CLIP4: variants seen among roughly 807,000 people sequenced by gnomAD.
CLIP4 encodes the protein CAP-Gly domain containing linker protein family member 4.
In CLIP4, 47 loss-of-function variants were observed where a neutral mutation model predicts 73.1. The ratio of observed to expected loss-of-function variants is 0.64; its 90% CI spans 0.51 to 0.82. The LOEUF (loss-of-function observed/expected upper bound fraction) is 0.82, where lower values mean the gene tolerates loss of function less well. CLIP4 is among the 40% of genes least tolerant of loss of function. The probability of loss-of-function intolerance (pLI) is 0.00; values close to 1 mark genes in which losing one functional copy is unlikely to be tolerated. For missense variants in CLIP4, 874 were observed against 852.9 expected, an observed-to-expected ratio of 1.02 and a Z score of -0.31; for synonymous variants, 306 against 295.4, an observed-to-expected ratio of 1.04 and a Z score of -0.37.
chr2:29,112,823 A>G (rs117188287), upstream of CLIP4, among the ~76,000 whole-genome samples: 3,554 of 152,288 alleles, frequency 0.023, 114 homozygotes, highest in East Asian at 0.091. Flanking sequence ...CCCCCTATAC[A>G]CTCACAAATT....
chr2:29,121,108 A>T (rs547664980), intron 1 of CLIP4, among the ~76,000 whole-genome samples: 1 of 152,290 alleles, frequency 6.6e-6, no homozygotes, highest in Admixed American at 6.5e-5. Context: ...TCAGCATTTA[A>T]AGTGTTTTCA....
intron 1 of CLIP4, among the ~76,000 whole-genome samples, chr2:29,107,378 T>TTTTTTGTTTTTTTTG (rs1668253940): frequency 1.6e-5 from 2 of 128,578 alleles, no homozygotes; most frequent in African/African-American, 6.1e-5. Context: ...TTTTTTTTTT[T>TTTTTTGTTTTTTTTG]TTTTTTTTTT....
chr2:29,169,636 G>A (rs1667875306), intron 14 of CLIP4, among the ~76,000 whole-genome samples: 1 of 151,892 alleles, frequency 6.6e-6, no homozygotes, highest in South Asian at 2.1e-4. Context: ...TGACGTAGTT[G>A]TACATATTTT....
At chr2:29,143,677 G>A in intron 6 of CLIP4, 32 bp from the exon 7 acceptor site, 1 of 1,431,260 alleles carries the variant, frequency 7.0e-7, no homozygotes, top group South Asian at 1.1e-5. Flanking sequence ...CTAAGTAAGA[G>A]TTGAACATTT....
chr2:29,172,730 A>G (rs1331721260), intron 14 of CLIP4, among the ~76,000 whole-genome samples: 1 of 151,798 alleles, frequency 6.6e-6, no homozygotes, highest in Non-Finnish European at 1.5e-5. Context: ...TTTCTTTCCC[A>G]TGCGCTCTCA....
intron 1 of CLIP4, among the ~76,000 whole-genome samples, chr2:29,119,645 A>G (rs1022310720): frequency 1.3e-5 from 2 of 152,160 alleles, no homozygotes; most frequent in Non-Finnish European, 2.9e-5. Context: ...TTGATGAGGT[A>G]TTTGCTCCTC....
chr2:29,148,198 C>T (rs532942209), intron 8 of CLIP4, among the ~76,000 whole-genome samples: 60 of 152,284 alleles, frequency 3.9e-4, no homozygotes, highest in African/African-American at 1.3e-3. Context: ...CCCCAGGTCA[C>T]GGCTAAGCTA....
intron 8 of CLIP4, among the ~76,000 whole-genome samples, chr2:29,148,820 G>A (rs1666350419): frequency 6.6e-6 from 1 of 152,116 alleles, no homozygotes; most frequent in African/African-American, 2.4e-5. Context: ...GCAGTTTGTT[G>A]GTTGACTTGT....
At position 29,181,793 on chromosome 2, in the gene CLIP4, G is replaced by A. The variant is rs748518578; in HGVS notation, c.2018G>A (p.Arg673His). ...GKNDGSVGDKRYFTCKPNHGV... is the reference protein window; with the variant it reads ...GKNDGSVGDKHYFTCKPNHGV... ...AATGATGGGTCAGTGGGTGACAAGC[G>A]CTATTTCACCTGTAAGCCGAACCAT... Residue 673 changes from arginine to histidine, a missense_variant, in exon 16 of 16, where the codon CGC becomes CAC. By Grantham distance (29) the Arg-to-His change is conservative. Coordinates refer to ENST00000320081, the MANE Select transcript of CLIP4 (RefSeq NM_024692.6). 7 of 1,614,166 alleles carry A rather than the reference G, an allele frequency of 4.3e-6. No homozygotes were observed. Among genetic ancestry groups the A allele is most frequent in the South Asian group, 1.1e-5 (1 of 91,086 alleles).
intron 1 of CLIP4, among the ~76,000 whole-genome samples, chr2:29,107,361 T>TG (rs1668243891): frequency 8.1e-4 from 61 of 75,352 alleles, no homozygotes; most frequent in African/African-American, 3.7e-3. Context: ...CATGATAGTT[T>TG]TTTTTTTTTT....
rs1249822549 is a variant in CLIP4, at chr2:29,182,324, C to G, written c.*431C>G. 6.5e-6 allele frequency: 1 copy of G among 153,918 alleles called. No individual in the cohort carries two copies. The highest frequency in any genetic ancestry group is 2.4e-5 in the African/African-American group (1 of 41,418). 9.5% of individuals were successfully genotyped at this position (153,918 alleles called of 1,614,324 possible). A position where few individuals can be genotyped will look rare whatever the true frequency, so the allele number is the denominator to read the frequency against. ...TCAATCATTTTTGGAATTTTTCTTT[C>G]TTTCTGTGCTTTATTACTAATAAGT... On this transcript the variant is annotated 3_prime_UTR_variant, in exon 16 of 16. Transcript: ENST00000320081.
intron 1 of CLIP4, among the ~76,000 whole-genome samples, chr2:29,107,385 T>TGTTTTTTTTG (rs1319522823): frequency 7.9e-6 from 1 of 126,540 alleles, no homozygotes; most frequent in African/African-American, 3.2e-5. Flanking sequence ...TTTTTTTTTT[T>TGTTTTTTTTG]TTTTGAGATG....
rs1474318750 is a variant in CLIP4 at position 29,181,834 on chromosome 2, C to A, written c.2059C>A (p.Pro687Thr). 3 of 1,613,982 alleles carry A rather than the reference C, an allele frequency of 1.9e-6. No individual in the cohort carries two copies. The highest frequency in any genetic ancestry group is 2.5e-6 in the Non-Finnish European group (3 of 1,180,000). ...CKPNHGVLVRPSRVTYRGING... is the reference protein window; with the variant it reads ...CKPNHGVLVRTSRVTYRGING... The stretch of plus-strand genomic sequence containing the variant: ...GCCGAACCATGGAGTCTTAGTTCGA[C>A]CGAGCAGAGTGACCTATCGGGGAAT... The change falls in exon 16 of 16, where the codon CCG (proline) becomes ACG (threonine). Residue 687 changes from proline to threonine, a missense_variant. Physicochemically the swap from Pro to Thr is conservative, Grantham distance 38. Coordinates refer to ENST00000320081, the MANE Select transcript of CLIP4 (RefSeq NM_024692.6).
In CLIP4 at chr2:29,132,224, A is replaced by T. The variant is rs768763294; in HGVS notation, c.346A>T (p.Lys116Ter). The change falls in exon 4 of 16, where the codon AAA (lysine) becomes TAA (stop). Residue 116 changes from lysine to a stop codon, truncating the protein, a stop_gained. Coordinates refer to ENST00000320081, the MANE Select transcript of CLIP4 (RefSeq NM_024692.6). LOFTEE classifies it high-confidence loss of function. ...TATGACTCTTTTACATTATACCTGC[A>T]AATCTGGAGCTCATGGTATTGGTAA... is the stretch of plus-strand genomic sequence containing the variant. ...TDMTLLHYTCKSGAHGIGDVE... is the reference protein window; with the variant it reads ...TDMTLLHYTC 1 of 1,613,464 alleles carries T rather than the reference A, an allele frequency of 6.2e-7. No individual in the cohort carries two copies. Among genetic ancestry groups the T allele is most frequent in the Admixed American group, 1.7e-5 (1 of 59,992 alleles).
At chr2:29,122,162 G>C (rs1271327347) in intron 2 of CLIP4, among the ~76,000 whole-genome samples, 2 of 151,744 alleles carry the variant, frequency 1.3e-5, no homozygotes, top group Non-Finnish European at 2.9e-5. Flanking sequence ...GATATTAGTA[G>C]ATATAAAGTT....
chr2:29,135,712 A>C, intron 6 of CLIP4, 46 bp downstream of exon 6: 1 of 1,348,966 alleles, frequency 7.4e-7, no homozygotes. Context: ...GAATTAAGAA[A>C]TCTTACTTTC....
chr2:29,110,332 T>G (rs1220502836), intron 1 of CLIP4, among the ~76,000 whole-genome samples: 1 of 152,186 alleles, frequency 6.6e-6, no homozygotes, highest in African/African-American at 2.4e-5. Flanking sequence ...GTAGAAGCAG[T>G]AGGAGGTTCC....
chr2:29,118,778 C>T (rs113838570), intron 1 of CLIP4, among the ~76,000 whole-genome samples: 3,434 of 151,938 alleles, frequency 0.023, 112 homozygotes, highest in East Asian at 0.09. Context: ...CCATGGCCTC[C>T]GAAAGTGCTG....
chr2:29,158,398 G>A (rs1667074388), intron 11 of CLIP4, among the ~76,000 whole-genome samples: 1 of 151,268 alleles, frequency 6.6e-6, no homozygotes, highest in Admixed American at 6.6e-5. Context: ...TCTAAACAAA[G>A]TAGTCTAGCG....
Sources: gnomAD v4.1 joint callset for allele counts (sites outside exome capture counted in the v4.1 genomes callset) on GRCh38, gnomAD v4.1.1 for gene constraint, MANE v1.5 for transcripts, NCBI Gene and HGNC (gene_info 2026-07-23, HGNC 2026-07-21) for gene names.